Variants in TBC1D8 observed in about 807,000 individuals in gnomAD.
The protein encoded by TBC1D8 is BUB2-like protein 1.
In TBC1D8, 65 loss-of-function variants were observed where a neutral mutation model predicts 118.8. That is an observed-to-expected ratio of 0.55 (90% CI 0.45 to 0.67). The LOEUF (loss-of-function observed/expected upper bound fraction) is 0.67. TBC1D8 is among the 30% of genes least tolerant of loss of function. TBC1D8 has a pLI of 0.00. For synonymous variants in TBC1D8, 566 were observed against 595.8 expected, an observed-to-expected ratio of 0.95 and a Z score of 0.73; for missense variants, 1,376 against 1,471.2, an observed-to-expected ratio of 0.94 and a Z score of 1.06.
At chr2:101,027,781 T>C (rs2105383758) in intron 14 of TBC1D8, among the ~76,000 whole-genome samples, 1 of 152,330 alleles carries the variant, frequency 6.6e-6, no homozygotes, top group Middle Eastern at 3.4e-3. Context: ...TGCTAGGCAT[T>C]ATAGACCCCA....
At chr2:101,149,609 C>T (rs1679464840) in intron 1 of TBC1D8, among the ~76,000 whole-genome samples, 1 of 152,184 alleles carries the variant, frequency 6.6e-6, no homozygotes, top group Non-Finnish European at 1.5e-5. Context: ...CTAAATGAAA[C>T]ATTTATAGAC....
At chr2:101,015,065 C>CACGA (rs1310464160) in intron 17 of TBC1D8, among the ~76,000 whole-genome samples, 17 of 152,178 alleles carry the variant, frequency 1.1e-4, no homozygotes, top group African/African-American at 3.9e-4. Flanking sequence ...AGTGGACTTA[C>CACGA]ACGAACCTAG....
rs1416616245 is a variant in TBC1D8, at chr2:101,151,176, G to T, written c.78C>A (p.Phe26Leu). 4 of 1,245,192 alleles carry T rather than the reference G, an allele frequency of 3.2e-6. No individual in the cohort carries two copies. In the East Asian group the frequency reaches 1.4e-4, roughly 42 times the overall value. The allele number at this position is 1,245,192 out of a possible 1,614,324, so 77.1% of individuals were successfully genotyped here. ...LWVTQKSSCY[F>L]ILQRRRGHGE... Reference sequence around the variant, plus strand: ...CGTGCCCGCGGCGCCGCTGCAGGATGAAGTAGCAGCTGCTCTTCTGGGTCA... The same window carrying T: ...CGTGCCCGCGGCGCCGCTGCAGGATTAAGTAGCAGCTGCTCTTCTGGGTCA... Residue 26 changes from phenylalanine to leucine, a missense_variant, in exon 1 of 20, where the codon TTC (phenylalanine) becomes TTA (leucine). Physicochemically the swap from Phe to Leu is conservative, Grantham distance 22 (BLOSUM62 0). Coordinates refer to ENST00000409318, the MANE Select transcript of TBC1D8 (RefSeq NM_001330348.2).
chr2:101,099,353 T>C (rs1006368949), intron 1 of TBC1D8, among the ~76,000 whole-genome samples: 1 of 152,108 alleles, frequency 6.6e-6, no homozygotes, highest in African/African-American at 2.4e-5. Context: ...AGCTCTGAAA[T>C]TGAGGCAGTA....
intron 1 of TBC1D8, among the ~76,000 whole-genome samples, chr2:101,130,177 T>G (rs1678532680): frequency 6.6e-6 from 1 of 152,186 alleles, no homozygotes; most frequent in Non-Finnish European, 1.5e-5. Flanking sequence ...TATTTTTAAC[T>G]AAGAAAATGA....
chr2:101,119,679 TA>T (rs1029249629), intron 1 of TBC1D8, among the ~76,000 whole-genome samples: 1 of 152,248 alleles, frequency 6.6e-6, no homozygotes, highest in Non-Finnish European at 1.5e-5. Context: ...ACCACTGTTC[TA>T]GGATCTTCTC....
intron 4 of TBC1D8, among the ~76,000 whole-genome samples, chr2:101,053,699 C>T (rs962836078): frequency 3.3e-5 from 5 of 152,172 alleles, no homozygotes; most frequent in Non-Finnish European, 5.9e-5. Context: ...CTTCTGGAAG[C>T]GACTGCATAT....
At chr2:101,124,094 G>C (rs1305773346) in intron 1 of TBC1D8, among the ~76,000 whole-genome samples, 1 of 152,186 alleles carries the variant, frequency 6.6e-6, no homozygotes, top group Non-Finnish European at 1.5e-5. Flanking sequence ...CCTGGAGTAA[G>C]AACTGAAGCC....
intron 2 of TBC1D8, among the ~76,000 whole-genome samples, chr2:101,085,457 T>C (rs1675552809): frequency 6.6e-6 from 1 of 152,166 alleles, no homozygotes; most frequent in Non-Finnish European, 1.5e-5. Flanking sequence ...GATCCTACTC[T>C]CTCACCCACC....
At chr2:101,146,285 G>T (rs1180798027) in intron 1 of TBC1D8, among the ~76,000 whole-genome samples, 4 of 152,128 alleles carry the variant, frequency 2.6e-5, no homozygotes, top group Non-Finnish European at 4.4e-5. Flanking sequence ...GACTCCAAAG[G>T]TTGTATTTTA....
chr2:101,139,359 G>A (rs1283948463), intron 1 of TBC1D8, among the ~76,000 whole-genome samples: 1 of 149,900 alleles, frequency 6.7e-6, no homozygotes, highest in Non-Finnish European at 1.5e-5. Context: ...CCCACCTTGA[G>A]AGAACTGCCT....
At chr2:101,056,337 G>A in intron 3 of TBC1D8, among the ~76,000 whole-genome samples, 1 of 150,460 alleles carries the variant, frequency 6.6e-6, no homozygotes. Context: ...CCAAGTAGCT[G>A]GGACTACAGG....
At chr2:101,053,976 A>G in intron 4 of TBC1D8, 132 bp downstream of exon 4, 2 of 782,498 alleles carry the variant, frequency 2.6e-6, no homozygotes, top group Non-Finnish European at 4.1e-6. Flanking sequence ...TAAGTAATCA[A>G]GTGTCACCTG....
At chr2:101,015,130 A>T (rs1226031088) in intron 17 of TBC1D8, among the ~76,000 whole-genome samples, 4 of 152,244 alleles carry the variant, frequency 2.6e-5, no homozygotes, top group Non-Finnish European at 4.4e-5. Context: ...CTAGGCTACA[A>T]ACCTGTACAG....
chr2:101,077,354 T>C (rs1674909371), intron 2 of TBC1D8, among the ~76,000 whole-genome samples: 2 of 149,310 alleles, frequency 1.3e-5, no homozygotes, highest in Admixed American at 6.7e-5. Flanking sequence ...TTCACGCCAT[T>C]CTCCTGCCTC....
intron 1 of TBC1D8, among the ~76,000 whole-genome samples, chr2:101,109,671 C>G (rs1165853037): frequency 2.6e-5 from 4 of 152,208 alleles, no homozygotes; most frequent in Non-Finnish European, 1.5e-5. Flanking sequence ...ATCCTCCCAC[C>G]ACCTTTCCGC....
rs868739330 is a variant in TBC1D8 at position 101,089,045 on chromosome 2, G to A, written c.283+1164C>T. Among the ~76,000 whole-genome samples the A allele has an allele frequency of 7.2e-5, 11 of 152,106 alleles. No individual in the cohort carries two copies. In the South Asian group the frequency reaches 8.3e-4, roughly 11 times the overall value. On this transcript the variant is annotated intron_variant, in intron 2 of 19. Coordinates refer to ENST00000409318, the MANE Select transcript of TBC1D8 (RefSeq NM_001330348.2). ...TTCTCTTCACACTTCTTGTATTTTCGAGGAAAAAGAATTCCAATGTTGGCC... is the reference window on the plus strand; with the variant it reads ...TTCTCTTCACACTTCTTGTATTTTCAAGGAAAAAGAATTCCAATGTTGGCC...
Position 101,050,535 on chromosome 2 carries a change from G to T in TBC1D8, c.738C>A (p.Phe246Leu). The change falls in exon 5 of 20, where the codon TTC (phenylalanine) becomes TTA (leucine). Residue 246 changes from phenylalanine to leucine, a missense_variant. Transcript: ENST00000409318. ...RITTQNKERD[F>L]SMFLNLDEVF... ...CCTCATCCAGGTTCAGGAACATGGA[G>T]AAGTCACGCTCCTTATTCTGCGTGG... 7.4e-6 allele frequency: 12 copies of T among 1,614,016 alleles called. No individual in the cohort carries two copies. The highest frequency in any genetic ancestry group is 1.0e-5 in the Non-Finnish European group (12 of 1,179,888).
chr2:101,115,863 A>G (rs1396406369), intron 1 of TBC1D8, among the ~76,000 whole-genome samples: 1 of 152,156 alleles, frequency 6.6e-6, no homozygotes, highest in Non-Finnish European at 1.5e-5. Flanking sequence ...GGCCCCAGAC[A>G]TCCCATGACC....
Sources: allele counts gnomAD v4.1 joint callset (sites outside exome capture counted in the v4.1 genomes callset), GRCh38; gene constraint gnomAD v4.1.1; transcripts MANE v1.5; gene names NCBI Gene and HGNC (gene_info 2026-07-23, HGNC 2026-07-21).